MPDZ: variants seen among roughly 807,000 people sequenced by gnomAD.
MPDZ encodes multiple PDZ domain protein.
Under a neutral mutation model 239.1 loss-of-function variants are expected in MPDZ, and 234 were observed. The ratio of observed to expected loss-of-function variants is 0.98; its 90% CI spans 0.88 to 1.09. MPDZ has a LOEUF of 1.09. MPDZ is among the 50% of genes least tolerant of loss of function. MPDZ has a pLI of 0.00. For synonymous variants in MPDZ, 1,048 were observed against 881.3 expected, an observed-to-expected ratio of 1.19 and a Z score of -3.35; for missense variants, 3,175 against 2,510.0, an observed-to-expected ratio of 1.26 and a Z score of -5.66.
intron 1 of MPDZ, among the ~76,000 whole-genome samples, chr9:13,267,061 C>T (rs1971936846): frequency 6.6e-6 from 1 of 152,190 alleles, no homozygotes; most frequent in Non-Finnish European, 1.5e-5. Context: ...AAAATGTAGG[C>T]TTGGTTGCAA....
intron 12 of MPDZ, among the ~76,000 whole-genome samples, chr9:13,203,341 C>CA (rs754444287): frequency 1.7e-4 from 26 of 152,116 alleles, no homozygotes; most frequent in Non-Finnish European, 1.5e-5. Flanking sequence ...CACAGCTAGA[C>CA]AGTGATTTAA....
At chr9:13,111,985 C>T in intron 43 of MPDZ, 39 bp downstream of exon 43, 1 of 1,605,384 alleles carries the variant, frequency 6.2e-7, no homozygotes, top group African/African-American at 1.3e-5. Flanking sequence ...CACTTCTGCA[C>T]ATTTTGCTAG....
At chr9:13,107,992 T>C (rs866920181) in intron 46 of MPDZ, among the ~76,000 whole-genome samples, 1 of 152,140 alleles carries the variant, frequency 6.6e-6, no homozygotes, top group East Asian at 1.9e-4. Context: ...ATAGCTTTTT[T>C]AAAAATCTTA....
At chr9:13,226,286 G>A (rs1960575110) in intron 3 of MPDZ, among the ~76,000 whole-genome samples, 1 of 152,106 alleles carries the variant, frequency 6.6e-6, no homozygotes, top group African/African-American at 2.4e-5. Flanking sequence ...CCTTTTAAAA[G>A]AGTTTGAAGT....
At chr9:13,277,926 A>T (rs1412720360) in intron 1 of MPDZ, among the ~76,000 whole-genome samples, 1 of 152,212 alleles carries the variant, frequency 6.6e-6, no homozygotes, top group Non-Finnish European at 1.5e-5. Context: ...GCTAAGGCAT[A>T]CATTATACAA....
At chr9:13,216,592 T>C (rs1958377240) in intron 10 of MPDZ, among the ~76,000 whole-genome samples, 182 bp downstream of exon 10, 1 of 151,946 alleles carries the variant, frequency 6.6e-6, no homozygotes, top group African/African-American at 2.4e-5. Context: ...AAAGCTTATA[T>C]CCAATACCCT....
rs1325393728 is a variant in MPDZ at position 13,257,530 on chromosome 9, G to A, written c.-57-7158C>T. 3.9e-5 allele frequency among the ~76,000 whole-genome samples: 6 copies of A among 152,094 alleles called. No homozygotes were observed. The South Asian group carries it at 1.0e-3, about 26-fold the overall frequency. On this transcript the variant is annotated intron_variant, in intron 1 of 46. Transcript: ENST00000319217. ...TTATAAAAAAGAAGATACAGAACAA[G>A]GTATTAAGTTGCTACACTTTGTACA...
chr9:13,110,110 G>A, intron 44 of MPDZ, 46 bp from the exon 45 acceptor site: 1 of 1,370,600 alleles, frequency 7.3e-7, no homozygotes, highest in Non-Finnish European at 1.0e-6. Flanking sequence ...TGTTCCTGTG[G>A]CTAGGGAAAG....
At chr9:13,174,488 A>T (rs1481408334) in intron 21 of MPDZ, among the ~76,000 whole-genome samples, 1 of 152,220 alleles carries the variant, frequency 6.6e-6, no homozygotes, top group African/African-American at 2.4e-5. Context: ...GCTACATTTG[A>T]TAATCTCTTA....
At chr9:13,185,589 G>A (rs1953983868) in intron 18 of MPDZ, among the ~76,000 whole-genome samples, 1 of 152,068 alleles carries the variant, frequency 6.6e-6, no homozygotes, top group South Asian at 2.1e-4. Flanking sequence ...TTGAGTAAAT[G>A]TCACATGTAT....
chr9:13,243,850 A>T (rs1965983014), intron 3 of MPDZ, among the ~76,000 whole-genome samples: 1 of 152,194 alleles, frequency 6.6e-6, no homozygotes, highest in African/African-American at 2.4e-5. Context: ...AATATTAAAG[A>T]AACACCAACA....
At chr9:13,251,128 C>CAAAAAAAAAAA (rs150252589) in intron 1 of MPDZ, among the ~76,000 whole-genome samples, 2 of 36,432 alleles carry the variant, frequency 5.5e-5, no homozygotes, top group African/African-American at 1.2e-4. Flanking sequence ...GACTCCATCT[C>CAAAAAAAAAAA]AAAAAAAAAA....
At chr9:13,182,740 C>T (rs560562980) in intron 19 of MPDZ, among the ~76,000 whole-genome samples, 19 of 152,108 alleles carry the variant, frequency 1.2e-4, no homozygotes, top group African/African-American at 4.3e-4. Context: ...ACACCCAAAA[C>T]ATTGGATACA....
chr9:13,147,465 A>G, intron 26 of MPDZ, 83 bp downstream of exon 26: 1 of 1,006,366 alleles, frequency 9.9e-7, no homozygotes, highest in South Asian at 1.3e-5. Flanking sequence ...CTTTACTCAT[A>G]CAGACAACTT....
At chr9:13,134,578 G>C (rs1946469832) in intron 31 of MPDZ, 1 of 152,004 alleles carries the variant, frequency 6.6e-6, no homozygotes, top group Non-Finnish European at 1.5e-5. Context: ...AATCACCAAA[G>C]TTCCTCTAAT....
intron 18 of MPDZ, among the ~76,000 whole-genome samples, chr9:13,185,151 A>G (rs1008789400): frequency 6.6e-6 from 1 of 152,054 alleles, no homozygotes; most frequent in Non-Finnish European, 1.5e-5. Flanking sequence ...AAGTGCTAAC[A>G]TAATACCCAT....
rs753392384 is a variant in MPDZ at position 13,247,843 on chromosome 9, G to A, written c.17-42C>T. 26 of 1,548,140 alleles carry A rather than the reference G, an allele frequency of 1.7e-5. No homozygotes were observed. In the Admixed American group the frequency reaches 3.6e-4, roughly 21 times the overall value. Reference sequence around the variant, plus strand: ...CATTTGTCAATAACAGGATTCAAAGGACACATGTCCAGCCTAAGAGGACTC... The same window carrying A: ...CATTTGTCAATAACAGGATTCAAAGAACACATGTCCAGCCTAAGAGGACTC... On this transcript the variant is annotated intron_variant, in intron 2 of 46. Transcript: ENST00000319217.
intron 3 of MPDZ, among the ~76,000 whole-genome samples, chr9:13,232,227 G>C (rs1267268681): frequency 6.6e-6 from 1 of 152,262 alleles, no homozygotes; most frequent in Non-Finnish European, 1.5e-5. Flanking sequence ...AGTGAACTTA[G>C]TAAGTTGGTG....
At chr9:13,265,339 G>A (rs1010970121) in intron 1 of MPDZ, among the ~76,000 whole-genome samples, 4 of 152,178 alleles carry the variant, frequency 2.6e-5, no homozygotes, top group Non-Finnish European at 5.9e-5. Context: ...GGACGCTGAG[G>A]CGGTCAGATC....
Sources: allele counts gnomAD v4.1 joint callset (sites outside exome capture counted in the v4.1 genomes callset), GRCh38; gene constraint gnomAD v4.1.1; transcripts MANE v1.5; gene names NCBI Gene and HGNC (gene_info 2026-07-23, HGNC 2026-07-21).